The following FAM200B variants were observed in gnomAD, a reference collection of about 807,000 sequenced individuals.
The protein encoded by FAM200B is protein FAM200B.
A neutral mutation model predicts 33.1 loss-of-function variants in FAM200B; 32 were observed. The observed-to-expected ratio is 0.97, with a 90% CI of 0.73 to 1.30. The LOEUF (loss-of-function observed/expected upper bound fraction) is 1.30, where lower values mean the gene tolerates loss of function less well. Ranked by LOEUF, FAM200B falls within the 50% of genes most tolerant of loss-of-function variation. The pLI is 0.00. For synonymous variants in FAM200B, 240 were observed against 264.8 expected (o/e 0.91, Z 0.91); for missense variants, 741 against 754.0 (o/e 0.98, Z 0.20).
At chr4:15,685,849 T>G (rs186823775) in intron 1 of FAM200B, among the ~76,000 whole-genome samples, 1 of 152,170 alleles carries the variant, frequency 6.6e-6, no homozygotes, top group Non-Finnish European at 1.5e-5. Flanking sequence ...GTCATAAGAC[T>G]GAAATATACT....
the FAM200B span, among the ~76,000 whole-genome samples, chr4:15,672,869 A>G: frequency 6.6e-6 from 1 of 152,200 alleles, no homozygotes; most frequent in Admixed American, 6.5e-5. Context: ...GTACAGCTGT[A>G]CAAAAATATT....
chr4:15,656,441 C>T, the FAM200B span: 1 of 378,172 alleles, frequency 2.6e-6, no homozygotes, highest in Non-Finnish European at 5.2e-6. Context: ...GGGCAAGAAC[C>T]AGATATGCTG....
At chr4:15,652,101 A>G in the FAM200B span, among the ~76,000 whole-genome samples, 5 of 152,208 alleles carry the variant, frequency 3.3e-5, no homozygotes, top group Admixed American at 6.5e-5. Context: ...AGAAACTCCA[A>G]TGCTCACTGA....
chr4:15,686,950 A>G lies in FAM200B; in HGVS notation c.-28A>G. On this transcript the variant is annotated 5_prime_UTR_variant, in exon 2 of 2. The change abolishes the stop of an existing upstream ORF in the 5' untranslated region. Transcript: ENST00000422728. ...GAGTTAGTGCCAATTATAACATTTTAATCAAACTGGAACAAATTGCTATTA... is the reference window on the plus strand; with the variant it reads ...GAGTTAGTGCCAATTATAACATTTTGATCAAACTGGAACAAATTGCTATTA... The G allele has an allele frequency of 8.4e-7, 1 of 1,185,050 alleles. No individual in the cohort carries two copies. Among genetic ancestry groups the G allele is most frequent in the Non-Finnish European group, 1.1e-6 (1 of 882,058 alleles). 73.4% of individuals were successfully genotyped at this position (1,185,050 alleles called of 1,614,324 possible). A position where few individuals can be genotyped will look rare whatever the true frequency, so the allele number is the denominator to read the frequency against.
the FAM200B span, chr4:15,640,660 AAAGAACTGCG>A: frequency 2.2e-6 from 1 of 457,964 alleles, no homozygotes. Flanking sequence ...TTTTTCCCAA[AAAGAACTGCG>A]TTCTTCTCTC....
the FAM200B span, among the ~76,000 whole-genome samples, chr4:15,647,299 C>T: frequency 1.5e-5 from 2 of 131,684 alleles, no homozygotes; most frequent in South Asian, 5.1e-4. Flanking sequence ...AACAATATAA[C>T]AACTACATAC....
the FAM200B span, among the ~76,000 whole-genome samples, chr4:15,649,174 A>G: frequency 3.3e-5 from 5 of 152,266 alleles, no homozygotes; most frequent in African/African-American, 1.2e-4. Context: ...CAAAAAAAAA[A>G]GAGCAACAGA....
Position 15,688,058 on chromosome 4 carries a change from T to C in FAM200B, c.1081T>C (p.Leu361=), listed in dbSNP as rs1719054674. Residue 361 remains leucine (L), a synonymous_variant, in exon 2 of 2, where the codon TTG becomes CTG. Transcript: ENST00000422728. ...TGTTAATTTTATTAAAGGAAGCTCATTGAATAGCCGGCTTCTTGAAACATT... is the reference window on the plus strand; with the variant it reads ...TGTTAATTTTATTAAAGGAAGCTCACTGAATAGCCGGCTTCTTGAAACATT... ...KVVNFIKGSS[L]NSRLLETFCS... is the part of the protein sequence containing the mutation. The C allele has an allele frequency of 1.9e-6, 3 of 1,551,258 alleles. No individual in the cohort carries two copies. The highest frequency in any genetic ancestry group is 1.4e-5 in the African/African-American group (1 of 73,142).
At position 15,688,136 on chromosome 4, in the gene FAM200B, CGTTG is replaced by C. The variant is rs768524180; in HGVS notation, c.1164_1167del (p.Trp388CysfsTer7). ...CCACTTACTATATCATACCAAAATT[CGTTG>C]GTTGTCTCAAGGGAAAATACTAAGC... On this transcript the variant is annotated frameshift_variant, in exon 2 of 2. Transcript: ENST00000422728. LOFTEE classifies it high-confidence loss of function. 117 of 1,550,912 alleles carry C rather than the reference CGTTG, an allele frequency of 7.5e-5. No homozygotes were observed. In the Admixed American group the frequency reaches 2.3e-3, roughly 30 times the overall value.
chr4:15,652,160 T>C, the FAM200B span, among the ~76,000 whole-genome samples: 2 of 152,116 alleles, frequency 1.3e-5, no homozygotes, highest in African/African-American at 4.8e-5. Context: ...GACTGAGAAA[T>C]TGAAGTAAAA....
the FAM200B span, among the ~76,000 whole-genome samples, chr4:15,644,324 C>T: frequency 6.6e-6 from 1 of 152,186 alleles, no homozygotes; most frequent in African/African-American, 2.4e-5. Flanking sequence ...TGCAAACTCC[C>T]CACTGCAGTA....
the FAM200B span, chr4:15,638,604 C>A: frequency 5.0e-6 from 8 of 1,613,410 alleles, no homozygotes; most frequent in Admixed American, 1.7e-5. Context: ...TCTGCAGTAT[C>A]CTTCTGAGAG....
At chr4:15,661,572 T>C in the FAM200B span, among the ~76,000 whole-genome samples, 1 of 152,232 alleles carries the variant, frequency 6.6e-6, no homozygotes. Context: ...AAGGGACTTG[T>C]CACATTTAGT....
chr4:15,653,739 A>C, the FAM200B span, among the ~76,000 whole-genome samples: 2 of 152,174 alleles, frequency 1.3e-5, no homozygotes, highest in African/African-American at 2.4e-5. Context: ...GCTAAGTAAA[A>C]AATTCAGGGA....
At chr4:15,640,115 A>G in the FAM200B span, among the ~76,000 whole-genome samples, 1 of 152,196 alleles carries the variant, frequency 6.6e-6, no homozygotes, top group Non-Finnish European at 1.5e-5. Context: ...ATCATGGCTC[A>G]CTGCAGTCTC....
chr4:15,668,699 T>G, the FAM200B span, among the ~76,000 whole-genome samples: 1 of 152,160 alleles, frequency 6.6e-6, no homozygotes, highest in Non-Finnish European at 1.5e-5. Flanking sequence ...TATAAGATGC[T>G]GAACTCACTG....
chr4:15,666,725 G>A, the FAM200B span, among the ~76,000 whole-genome samples: 4 of 151,840 alleles, frequency 2.6e-5, no homozygotes, highest in African/African-American at 4.8e-5. Flanking sequence ...CCATCTACTC[G>A]GGAGGCTGAG....
At chr4:15,677,971 G>A (rs776081286), upstream of FAM200B, among the ~76,000 whole-genome samples, 3 of 152,144 alleles carry the variant, frequency 2.0e-5, no homozygotes, top group Non-Finnish European at 4.4e-5. Context: ...CAGGCAATTA[G>A]TAACGAAATT....
At chr4:15,654,168 T>C in the FAM200B span, among the ~76,000 whole-genome samples, 9 of 152,214 alleles carry the variant, frequency 5.9e-5, no homozygotes, top group Non-Finnish European at 1.2e-4. Context: ...CTGTAGACAA[T>C]GGTTCTGCAT....
Sources: gnomAD v4.1 joint callset for allele counts (sites outside exome capture counted in the v4.1 genomes callset) on GRCh38, gnomAD v4.1.1 for gene constraint, MANE v1.5 for transcripts, NCBI Gene and HGNC (gene_info 2026-07-23, HGNC 2026-07-21) for gene names.